HEXB: variants seen among roughly 807,000 people sequenced by gnomAD.
HEXB encodes the protein beta-hexosaminidase subunit beta.
HEXB carries 51 observed loss-of-function variants against 71.2 expected under a neutral mutation model. The ratio of observed to expected loss-of-function variants is 0.72; its 90% CI spans 0.57 to 0.90. HEXB has a LOEUF of 0.90. Among genes scored for constraint, HEXB ranks in the 40% least tolerant of loss-of-function variants. The pLI is 0.00. For missense variants in HEXB, 617 were observed against 677.0 expected, an observed-to-expected ratio of 0.91 and a Z score of 0.98; for synonymous variants, 266 against 249.3, an observed-to-expected ratio of 1.07 and a Z score of -0.63.
At chr5:74,660,291 C>T (rs945250839) in intron 1 of HEXB, among the ~76,000 whole-genome samples, 1 of 152,182 alleles carries the variant, frequency 6.6e-6, no homozygotes, top group African/African-American at 2.4e-5. Flanking sequence ...TTCCTGTTAC[C>T]AGGCAGTTGA....
chr5:74,700,306 C>T (rs1470276480), intron 5 of HEXB, among the ~76,000 whole-genome samples: 2 of 152,018 alleles, frequency 1.3e-5, no homozygotes, highest in African/African-American at 4.8e-5. Context: ...CTGTGCCCAG[C>T]TGTAAGTTTA....
rs77499935 is a variant in HEXB at position 74,718,812 on chromosome 5, A to G, written c.1258A>G (p.Ile420Val). ...ACGTTAATAGCTTGCGCCGGGCACA[A>G]TAGTTGAAGTATGGAAAGACAGCGC... Reference protein sequence around the residue: ...DDKAKLAPGTIVEVWKDSAYP... With the variant: ...DDKAKLAPGTVVEVWKDSAYP... The change falls in exon 11 of 14, where the codon ATA becomes GTA. Residue 420 changes from isoleucine to valine, a missense_variant. Ile to Val is a conservative substitution (Grantham distance 29). Transcript: ENST00000261416. The G allele has an allele frequency of 1.6e-3, 2,617 of 1,614,156 alleles. 42 individuals carry two copies. In the African/African-American group the frequency reaches 0.031, roughly 19 times the overall value.
At chr5:74,706,372 G>T (rs970376358) in intron 6 of HEXB, among the ~76,000 whole-genome samples, 1 of 152,240 alleles carries the variant, frequency 6.6e-6, no homozygotes, top group African/African-American at 2.4e-5. Context: ...GAGCGACACA[G>T]AAGACGGGTG....
At chr5:74,712,369 A>G (rs1485253677) in intron 6 of HEXB, among the ~76,000 whole-genome samples, 2 of 151,614 alleles carry the variant, frequency 1.3e-5, no homozygotes, top group Admixed American at 6.6e-5. Flanking sequence ...AGCATGGCAC[A>G]TGTATACATA....
rs767374786 is a variant in HEXB, at chr5:74,718,308, C to T, written c.1187C>T (p.Ala396Val). 1.9e-6 allele frequency: 3 copies of T among 1,609,436 alleles called. No individual in the cohort carries two copies. The highest frequency in any genetic ancestry group is 4.5e-5 in the East Asian group (2 of 44,820). The change falls in exon 10 of 14, where the codon GCA becomes GTA. Residue 396 changes from alanine (A) to valine (V), a missense_variant. Physicochemically the swap from Ala to Val is moderately conservative, Grantham distance 64 (BLOSUM62 0). Transcript: ENST00000261416. The stretch of plus-strand genomic sequence containing the variant: ...AATACTAGGGTTTTGGATATTATTG[C>T]AACCATAAACAAGGGATCCATTGTC... ...FYIQKVLDII[A>V]TINKGSIVWQ...
chr5:74,709,976 C>T (rs920166002), intron 6 of HEXB, among the ~76,000 whole-genome samples: 1 of 150,278 alleles, frequency 6.7e-6, no homozygotes, highest in African/African-American at 2.5e-5. Context: ...CGGGCAGAGA[C>T]ACAACCAAAA....
chr5:74,685,672 G>A, intron 1 of HEXB, 113 bp downstream of exon 1: 1 of 936,180 alleles, frequency 1.1e-6, no homozygotes. Flanking sequence ...AACCGCCTGG[G>A]AGCTGGCAGG....
chr5:74,663,119 G>A (rs1253159190), intron 1 of HEXB, among the ~76,000 whole-genome samples: 2 of 151,930 alleles, frequency 1.3e-5, no homozygotes, highest in South Asian at 4.2e-4. Context: ...GAACGCATAT[G>A]GGCATCTGCT....
rs776211390 is a variant in HEXB, at chr5:74,685,447, G to A, written c.187G>A (p.Val63Met). ...GGCGCTGTGGCCCCTGCCGCTCTTGGTGAAGATGACCCCGAACCTGCTGCA... is the reference window on the plus strand; with the variant it reads ...GGCGCTGTGGCCCCTGCCGCTCTTGATGAAGATGACCCCGAACCTGCTGCA... ...GPALWPLPLLVKMTPNLLHLA... is the reference protein window; with the variant it reads ...GPALWPLPLLMKMTPNLLHLA... Residue 63 changes from valine (V) to methionine (M), a missense_variant, in exon 1 of 14, where the codon GTG becomes ATG. Val to Met is a conservative substitution (Grantham distance 21). Coordinates refer to ENST00000261416, the MANE Select transcript of HEXB (RefSeq NM_000521.4). 48 of 1,611,694 alleles carry A rather than the reference G, an allele frequency of 3.0e-5. No homozygotes were observed. The highest frequency in any genetic ancestry group is 3.9e-5 in the Non-Finnish European group (46 of 1,179,314).
chr5:74,657,196 C>T (rs993719778), intron 1 of HEXB, among the ~76,000 whole-genome samples: 8 of 152,120 alleles, frequency 5.3e-5, no homozygotes, highest in African/African-American at 1.9e-4. Flanking sequence ...TTATACCCTC[C>T]AGTGGCTTCC....
intron 2 of HEXB, among the ~76,000 whole-genome samples, chr5:74,690,725 A>G (rs1478147931): frequency 6.7e-6 from 1 of 149,210 alleles, no homozygotes; most frequent in African/African-American, 2.5e-5. Flanking sequence ...ATTTAGAGAA[A>G]AGAGCAACTC....
upstream of HEXB, among the ~76,000 whole-genome samples, chr5:74,681,005 T>C (rs563749558): frequency 1.3e-5 from 2 of 152,344 alleles, no homozygotes; most frequent in South Asian, 2.1e-4. Context: ...TTCAGCTCCA[T>C]GTTGTTTCAA....
intron 1 of HEXB, among the ~76,000 whole-genome samples, chr5:74,657,775 T>C (rs143588768): frequency 2.9e-4 from 44 of 152,376 alleles, no homozygotes; most frequent in Non-Finnish European, 5.9e-4. Flanking sequence ...GTGTCCTAGA[T>C]GCTCCTTTTG....
At chr5:74,677,490 C>CTTTTTTTTTTTTTT (rs566302720) in intron 1 of HEXB, among the ~76,000 whole-genome samples, 59 of 77,246 alleles carry the variant, frequency 7.6e-4, no homozygotes, top group East Asian at 1.4e-3. Flanking sequence ...TCTTCTTCTT[C>CTTTTTTTTTTTTTT]TTTTTTTTTT....
chr5:74,693,584 T>C, intron 2 of HEXB, 55 bp from the exon 3 acceptor site: 1 of 1,175,048 alleles, frequency 8.5e-7, no homozygotes, highest in South Asian at 1.2e-5. Flanking sequence ...AAACTTATTG[T>C]GTGTCATTGA....
intron 1 of HEXB, among the ~76,000 whole-genome samples, chr5:74,646,569 C>CTT (rs1356916050): frequency 9.3e-5 from 13 of 139,766 alleles, no homozygotes; most frequent in Admixed American, 6.5e-4. Flanking sequence ...ACAATTCATT[C>CTT]TTTTTTTTTT....
intron 1 of HEXB, among the ~76,000 whole-genome samples, chr5:74,649,168 G>T (rs751918213): frequency 2.0e-5 from 3 of 152,120 alleles, no homozygotes; most frequent in Non-Finnish European, 4.4e-5. Context: ...TCTGGGGTCC[G>T]GCCGGCCTGC....
chr5:74,669,300 A>T (rs964054999), intron 1 of HEXB, among the ~76,000 whole-genome samples: 1 of 152,010 alleles, frequency 6.6e-6, no homozygotes, highest in African/African-American at 2.4e-5. Context: ...ATTTAATTTA[A>T]CTATTTTTTT....
upstream of HEXB, among the ~76,000 whole-genome samples, chr5:74,683,020 A>G (rs572763467): frequency 1.7e-4 from 26 of 152,236 alleles, no homozygotes; most frequent in Non-Finnish European, 3.5e-4. Context: ...CCAGGCAGAA[A>G]TGCGATTGGG....
Sources: gnomAD v4.1 joint callset for allele counts (sites outside exome capture counted in the v4.1 genomes callset) on GRCh38, gnomAD v4.1.1 for gene constraint, MANE v1.5 for transcripts, NCBI Gene and HGNC (gene_info 2026-07-23, HGNC 2026-07-21) for gene names.